ERC2: variants seen among roughly 807,000 people sequenced by gnomAD.
ERC2 encodes ERC protein 2.
Under a neutral mutation model 114.8 loss-of-function variants are expected in ERC2, and 42 were observed. The observed-to-expected ratio is 0.37, with a 90% CI of 0.29 to 0.47. ERC2 has a LOEUF of 0.47. Among genes scored for constraint, ERC2 ranks in the 20% least tolerant of loss-of-function variants. The probability of loss-of-function intolerance (pLI) is 0.99; values close to 1 mark genes in which losing one functional copy is unlikely to be tolerated. For missense variants in ERC2, 939 were observed against 1,150.7 expected (o/e 0.82, Z 2.66); for synonymous variants, 454 against 425.5 (o/e 1.07, Z -0.82).
intron 12 of ERC2, among the ~76,000 whole-genome samples, chr3:55,983,324 G>A (rs981135073): frequency 2.6e-5 from 4 of 152,158 alleles, no homozygotes; most frequent in African/African-American, 9.7e-5. Flanking sequence ...TCTGTCATAA[G>A]TCACATGCTA....
At chr3:56,424,406 C>T (rs956241678) in intron 2 of ERC2, among the ~76,000 whole-genome samples, 8 of 152,136 alleles carry the variant, frequency 5.3e-5, no homozygotes, top group Non-Finnish European at 1.0e-4. Context: ...ATTTCCCTAC[C>T]ATTAGCCAAG....
chr3:56,396,361 G>A (rs979330957), intron 2 of ERC2, among the ~76,000 whole-genome samples: 6 of 152,180 alleles, frequency 3.9e-5, no homozygotes, highest in African/African-American at 1.2e-4. Flanking sequence ...CAGGCATGGT[G>A]GAGTGGCTTG....
intron 4 of ERC2, among the ~76,000 whole-genome samples, chr3:56,167,707 T>C (rs187771331): frequency 3.0e-4 from 45 of 152,238 alleles, no homozygotes; most frequent in Non-Finnish European, 4.9e-4. Flanking sequence ...ATATTGTAAA[T>C]GCACACTGCA....
chr3:55,801,311 C>T (rs1265510994), intron 14 of ERC2, among the ~76,000 whole-genome samples: 1 of 152,150 alleles, frequency 6.6e-6, no homozygotes, highest in African/African-American at 2.4e-5. Flanking sequence ...GACTCAAAAC[C>T]GGTTAACTGT....
chr3:55,925,258 C>T (rs2065680012), intron 13 of ERC2, among the ~76,000 whole-genome samples: 1 of 152,216 alleles, frequency 6.6e-6, no homozygotes, highest in Non-Finnish European at 1.5e-5. Flanking sequence ...CAGAGTTATA[C>T]CTTGCATTCA....
chr3:56,365,975 A>G (rs2059135671), intron 2 of ERC2, among the ~76,000 whole-genome samples: 2 of 152,244 alleles, frequency 1.3e-5, no homozygotes, highest in South Asian at 2.1e-4. Context: ...CAGACCATGT[A>G]TAACAGAACT....
intron 2 of ERC2, among the ~76,000 whole-genome samples, chr3:56,340,542 A>ATATGTG (rs148515686): frequency 7.1e-6 from 1 of 141,416 alleles, no homozygotes; most frequent in Non-Finnish European, 1.5e-5. Flanking sequence ...GAGAGAGTGA[A>ATATGTG]TGTGTGTGTG....
At chr3:56,455,942 G>C (rs111606802) in intron 1 of ERC2, among the ~76,000 whole-genome samples, 1,618 of 152,292 alleles carry the variant, frequency 0.011, 30 homozygotes, top group African/African-American at 0.037. Flanking sequence ...AGTTAGATAA[G>C]CTCCCCAGAT....
intron 2 of ERC2, among the ~76,000 whole-genome samples, chr3:56,329,824 C>G (rs535189848): frequency 2.0e-5 from 3 of 150,636 alleles, no homozygotes; most frequent in African/African-American, 7.3e-5. Flanking sequence ...ATATGTATTT[C>G]CACCATATAT....
chr3:55,660,132 CAATGTG>C (rs1286507807), intron 17 of ERC2, among the ~76,000 whole-genome samples: 2 of 148,068 alleles, frequency 1.4e-5, no homozygotes. Context: ...AATGTCTGAA[CAATGTG>C]AATGTTCATA....
At chr3:55,931,985 G>C (rs548281603) in intron 13 of ERC2, among the ~76,000 whole-genome samples, 2 of 152,024 alleles carry the variant, frequency 1.3e-5, no homozygotes, top group African/African-American at 4.8e-5. Flanking sequence ...CTTAACTATG[G>C]AATAACGATC....
intron 4 of ERC2, among the ~76,000 whole-genome samples, chr3:56,169,808 T>TAAA (rs762242569): frequency 1.2e-4 from 15 of 129,632 alleles, no homozygotes; most frequent in African/African-American, 3.6e-4. Context: ...TTCATTTTCT[T>TAAA]AAAAAAAAAA....
At chr3:56,215,318 G>A (rs1318111782) in intron 3 of ERC2, among the ~76,000 whole-genome samples, 6 of 151,468 alleles carry the variant, frequency 4.0e-5, no homozygotes, top group Non-Finnish European at 7.4e-5. Context: ...CAAATGGAAA[G>A]CAAAAAAAGG....
intron 7 of ERC2, among the ~76,000 whole-genome samples, chr3:56,055,037 A>G (rs1382518195): frequency 2.0e-5 from 3 of 152,214 alleles, no homozygotes; most frequent in Non-Finnish European, 2.9e-5. Flanking sequence ...GTTAGGTTGC[A>G]GCATTCATTA....
At chr3:55,921,584 C>T (rs569373850) in intron 13 of ERC2, among the ~76,000 whole-genome samples, 121 of 152,156 alleles carry the variant, frequency 8.0e-4, no homozygotes, top group African/African-American at 2.8e-3. Flanking sequence ...GAATACAATG[C>T]AATGGCTTCT....
At chr3:56,015,712 G>C (rs2073259044) in intron 8 of ERC2, among the ~76,000 whole-genome samples, 1 of 152,050 alleles carries the variant, frequency 6.6e-6, no homozygotes, top group Non-Finnish European at 1.5e-5. Context: ...TATTCCTTTG[G>C]GTATATACCC....
chr3:56,078,588 T>C (rs1390566891), intron 7 of ERC2, among the ~76,000 whole-genome samples: 7 of 152,162 alleles, frequency 4.6e-5, no homozygotes, highest in African/African-American at 1.7e-4. Context: ...ACTGTTGTCA[T>C]CTTTGCATAG....
intron 2 of ERC2, among the ~76,000 whole-genome samples, chr3:56,349,057 C>G (rs1458528810): frequency 6.6e-6 from 1 of 152,096 alleles, no homozygotes; most frequent in Non-Finnish European, 1.5e-5. Flanking sequence ...TGTGATTCAA[C>G]TTAAAAAAAT....
At chr3:56,057,005 T>C (rs967488097) in intron 7 of ERC2, among the ~76,000 whole-genome samples, 1 of 152,176 alleles carries the variant, frequency 6.6e-6, no homozygotes, top group African/African-American at 2.4e-5. Flanking sequence ...CTAACCTACA[T>C]AGTTAAAAAA....
Sources: gnomAD v4.1 joint callset for allele counts (sites outside exome capture counted in the v4.1 genomes callset) on GRCh38, gnomAD v4.1.1 for gene constraint, MANE v1.5 for transcripts, NCBI Gene and HGNC (gene_info 2026-07-23, HGNC 2026-07-21) for gene names.